PSG1: variants seen among roughly 807,000 people sequenced by gnomAD.
PSG1 encodes the protein pregnancy-specific beta-1-glycoprotein 1.
Under a neutral mutation model 41.4 loss-of-function variants are expected in PSG1, and 60 were observed. That is an observed-to-expected ratio of 1.45 (90% CI 1.18 to 1.80). The LOEUF is 1.80. Ranked by LOEUF, PSG1 falls within the 40% of genes most tolerant of loss-of-function variation. The pLI, the probability that PSG1 is intolerant of heterozygous loss-of-function variation, is 0.00. For synonymous variants in PSG1, 256 were observed against 192.9 expected (o/e 1.33, Z -2.71); for missense variants, 806 against 516.9 (o/e 1.56, Z -5.42).
chr19:42,875,483 G>C (rs929688093), intron 2 of PSG1, among the ~76,000 whole-genome samples: 1 of 151,648 alleles, frequency 6.6e-6, no homozygotes, highest in African/African-American at 2.4e-5. Context: ...GGTCTTTTGA[G>C]ATGTTTCTCA....
intron 5 of PSG1, 142 bp from the exon 6 acceptor site, chr19:42,867,292 T>G: frequency 1.5e-6 from 1 of 671,256 alleles, no homozygotes. Flanking sequence ...GTAGAATAAG[T>G]TTGTTTGCAA....
At chr19:42,871,164 A>C (rs1600496877) in intron 3 of PSG1, among the ~76,000 whole-genome samples, 1 of 151,594 alleles carries the variant, frequency 6.6e-6, no homozygotes, top group East Asian at 1.9e-4. Flanking sequence ...TGAGTTATGG[A>C]TGAAACAGAC....
chr19:42,872,263 G>A (rs1374797861), intron 2 of PSG1, among the ~76,000 whole-genome samples: 3 of 151,560 alleles, frequency 2.0e-5, no homozygotes, highest in Non-Finnish European at 2.9e-5. Flanking sequence ...ACTTTCTCAA[G>A]TGTGAATTGA....
In PSG1 at chr19:42,879,620, GC is replaced by G; in HGVS notation, c.-40del. The G allele has an allele frequency of 6.2e-7, 1 of 1,606,742 alleles. No individual in the cohort carries two copies. The highest frequency in any genetic ancestry group is 2.2e-5 in the East Asian group (1 of 44,488). Reference sequence around the variant, plus strand: ...TGTGTGTTCTCCTCTGTGGAGATAAGCCTAGGATCCAGAAACTCTCTGAGCA... The same window carrying G: ...TGTGTGTTCTCCTCTGTGGAGATAAGCTAGGATCCAGAAACTCTCTGAGCA... On this transcript the variant is annotated 5_prime_UTR_variant, in exon 1 of 6. Coordinates refer to ENST00000436291, the MANE Select transcript of PSG1 (RefSeq NM_001184825.2).
intron 2 of PSG1, among the ~76,000 whole-genome samples, chr19:42,877,048 TG>T (rs1240749043): frequency 1.3e-5 from 2 of 151,696 alleles, no homozygotes; most frequent in African/African-American, 4.8e-5. Context: ...TGGCTTTTCA[TG>T]CTATCTGTGA....
At chr19:42,878,691 C>T (rs1156799810) in intron 1 of PSG1, among the ~76,000 whole-genome samples, 2 of 149,004 alleles carry the variant, frequency 1.3e-5, no homozygotes, top group South Asian at 2.2e-4. Context: ...CTGCTCTGCT[C>T]CCTCCAGGGT....
In PSG1 at chr19:42,868,848, C is replaced by A; in HGVS notation, c.896G>T (p.Ser299Ile). 6.2e-7 allele frequency: 1 copy of A among 1,611,332 alleles called. No homozygotes were observed. The highest frequency in any genetic ancestry group is 1.9e-4 in the Middle Eastern group (1 of 5,234). Residue 299 changes from serine to isoleucine, a missense_variant, in exon 4 of 6, where the codon AGT (serine) becomes ATT (isoleucine). Physicochemically the swap from Ser to Ile is moderately radical, Grantham distance 142. Transcript: ENST00000436291. ...GGGTCCTGTTTCATTTCTCGTGACA[C>A]TGGGTAGAATGAGGATCCTGTTTTC... ...PIENRILILP[S>I]VTRNETGPYQ...
chr19:42,878,397 A>C, intron 1 of PSG1, 119 bp from the exon 2 acceptor site: 2 of 1,351,712 alleles, frequency 1.5e-6, no homozygotes, highest in Non-Finnish European at 2.0e-6. Flanking sequence ...AGACACACAC[A>C]CACATACAAA....
intron 1 of PSG1, 148 bp from the exon 2 acceptor site, chr19:42,878,426 C>G: frequency 7.8e-7 from 1 of 1,287,680 alleles, no homozygotes; most frequent in Admixed American, 2.5e-5. Context: ...CACACACACA[C>G]ACAAAAGCGG....
At chr19:42,872,080 G>C in intron 2 of PSG1, 35 bp from the exon 3 acceptor site, 1 of 1,590,546 alleles carries the variant, frequency 6.3e-7, no homozygotes, top group Non-Finnish European at 8.6e-7. Context: ...TGCCGTGTGT[G>C]GCGCCTTTGA....
At chr19:42,878,923 T>C (rs1003670577) in intron 1 of PSG1, among the ~76,000 whole-genome samples, 14 of 151,520 alleles carry the variant, frequency 9.2e-5, no homozygotes, top group African/African-American at 2.2e-4. Context: ...GAGGACAGTG[T>C]TTCCTGCCCT....
chr19:42,875,343 A>T (rs1273752418), intron 2 of PSG1, among the ~76,000 whole-genome samples: 1 of 151,798 alleles, frequency 6.6e-6, no homozygotes, highest in Non-Finnish European at 1.5e-5. Flanking sequence ...ATAGGAGGGA[A>T]CTGAATTTTG....
In PSG1 at chr19:42,879,509, T is replaced by A. The variant is rs1241583078; in HGVS notation, c.64+9A>T. On this transcript the variant is annotated intron_variant, in intron 1 of 5. Transcript: ENST00000436291. ...CCTCCTGTCCTCTCCCAGGAAGTTCTCTCCTCACCTGTGAGCAGGAGCCCC... is the reference window on the plus strand; with the variant it reads ...CCTCCTGTCCTCTCCCAGGAAGTTCACTCCTCACCTGTGAGCAGGAGCCCC... 1 of 1,609,114 alleles carries A rather than the reference T, an allele frequency of 6.2e-7. No homozygotes were observed. The highest frequency in any genetic ancestry group is 8.5e-7 in the Non-Finnish European group (1 of 1,177,176).
At chr19:42,867,722 T>C (rs752525303) in intron 5 of PSG1, 4 of 841,976 alleles carry the variant, frequency 4.8e-6, no homozygotes. Context: ...TTCCCAGAAG[T>C]ATAGTTTATT....
intron 5 of PSG1, chr19:42,867,708 A>C: frequency 1.2e-6 from 1 of 817,906 alleles, no homozygotes; most frequent in Non-Finnish European, 2.2e-6. Flanking sequence ...TGTTTCAATT[A>C]CGGTTCCCAG....
intron 5 of PSG1, chr19:42,867,465 C>G (rs1309483545): frequency 3.5e-5 from 20 of 576,328 alleles, no homozygotes; most frequent in Non-Finnish European, 5.6e-5. Flanking sequence ...GAAGCCAAAC[C>G]AAGGCTGACT....
intron 3 of PSG1, 53 bp from the exon 4 acceptor site, chr19:42,869,087 A>G: frequency 6.3e-7 from 1 of 1,594,954 alleles, no homozygotes; most frequent in Non-Finnish European, 8.5e-7. Context: ...TGATTCCTCC[A>G]CAGGTATCCT....
At chr19:42,870,086 G>C (rs1412055891) in intron 3 of PSG1, 1 of 151,734 alleles carries the variant, frequency 6.6e-6, no homozygotes, top group African/African-American at 2.4e-5. Flanking sequence ...GCTGGGAGTG[G>C]GTAGAATCAG....
At chr19:42,873,034 G>C (rs1354141267) in intron 2 of PSG1, among the ~76,000 whole-genome samples, 1 of 151,584 alleles carries the variant, frequency 6.6e-6, no homozygotes, top group Non-Finnish European at 1.5e-5. Context: ...CCTGATATCA[G>C]TGGATTCCAG....
Sources: allele counts gnomAD v4.1 joint callset (sites outside exome capture counted in the v4.1 genomes callset), GRCh38; gene constraint gnomAD v4.1.1; transcripts MANE v1.5; gene names NCBI Gene and HGNC (gene_info 2026-07-23, HGNC 2026-07-21).